Variants in CHODL observed in about 807,000 individuals in gnomAD.
CHODL encodes chondrolectin, also known as transmembrane protein MT75.
CHODL carries 29 observed loss-of-function variants against 34.5 expected under a neutral mutation model. That is an observed-to-expected ratio of 0.84 (90% CI 0.63 to 1.15). The LOEUF is 1.15. CHODL is among the 50% of genes most tolerant of loss of function. The probability of loss-of-function intolerance (pLI) is 0.00; values close to 1 mark genes in which losing one functional copy is unlikely to be tolerated. For missense variants in CHODL, 332 were observed against 332.5 expected (o/e 1.00, Z 0.01); for synonymous variants, 125 against 116.1 (o/e 1.08, Z -0.49).
chr21:18,209,528 AG>A (rs926048006), intron 2 of CHODL, among the ~76,000 whole-genome samples: 2 of 152,116 alleles, frequency 1.3e-5, no homozygotes, highest in Non-Finnish European at 1.5e-5. Flanking sequence ...CACGTGGCTG[AG>A]CTTGTACCTA....
chr21:18,005,544 G>A (rs889473066), intron 1 of CHODL, among the ~76,000 whole-genome samples: 2 of 152,196 alleles, frequency 1.3e-5, no homozygotes, highest in Non-Finnish European at 2.9e-5. Flanking sequence ...AAAGGTTTGT[G>A]TTAAAGTTAT....
intron 2 of CHODL, among the ~76,000 whole-genome samples, chr21:18,074,256 A>T (rs1038378801): frequency 2.6e-5 from 4 of 152,200 alleles, no homozygotes. Flanking sequence ...TGTCTGTTAG[A>T]ACAATGAGAA....
chr21:18,257,222 T>A (rs1444865178), intron 3 of CHODL, 95 bp downstream of exon 3: 2 of 1,164,212 alleles, frequency 1.7e-6, no homozygotes, highest in Middle Eastern at 2.6e-4. Context: ...CTCTTTTTGT[T>A]TTTCTGCTGT....
intron 4 of CHODL, among the ~76,000 whole-genome samples, chr21:18,262,362 G>A (rs569912977): frequency 2.0e-4 from 31 of 152,216 alleles, no homozygotes; most frequent in Non-Finnish European, 4.1e-4. Flanking sequence ...AGGTCATATA[G>A]CTTACTACAC....
At chr21:18,197,060 TA>T (rs1372604355) in intron 2 of CHODL, among the ~76,000 whole-genome samples, 1 of 152,194 alleles carries the variant, frequency 6.6e-6, no homozygotes, top group Non-Finnish European at 1.5e-5. Context: ...ATCATAGTAA[TA>T]ATTTCACAAT....
At chr21:18,124,724 T>A (rs1435382033) in intron 2 of CHODL, among the ~76,000 whole-genome samples, 2 of 152,210 alleles carry the variant, frequency 1.3e-5, no homozygotes, top group African/African-American at 2.4e-5. Context: ...TTAGGACGTT[T>A]GAACTGGTAG....
At chr21:18,083,433 T>C (rs2064966179) in intron 2 of CHODL, among the ~76,000 whole-genome samples, 3 of 152,290 alleles carry the variant, frequency 2.0e-5, no homozygotes, top group Non-Finnish European at 4.4e-5. Flanking sequence ...GCACACTGCC[T>C]AGTGGAGCTG....
At chr21:17,994,863 C>T (rs561515326) in intron 1 of CHODL, among the ~76,000 whole-genome samples, 8 of 152,224 alleles carry the variant, frequency 5.3e-5, no homozygotes, top group East Asian at 1.9e-4. Context: ...TGTAGGTATG[C>T]GAGGACCCTG....
At chr21:17,918,181 T>A (rs1381785813) in intron 1 of CHODL, among the ~76,000 whole-genome samples, 1 of 152,004 alleles carries the variant, frequency 6.6e-6, no homozygotes, top group African/African-American at 2.4e-5. Context: ...TCAAGTTTGA[T>A]GAGGGGTTGA....
chr21:18,245,099 G>C lies in CHODL; in HGVS notation c.-125G>C. 1.3e-6 allele frequency: 1 copy of C among 786,268 alleles called. No homozygotes were observed. The allele number at this position is 786,268 out of a possible 1,614,324, so 48.7% of individuals were successfully genotyped here. A position where few individuals can be genotyped will look rare whatever the true frequency, so the allele number is the denominator to read the frequency against. On this transcript the variant is annotated 5_prime_UTR_variant, in exon 1 of 6. Coordinates refer to ENST00000299295, the MANE Select transcript of CHODL (RefSeq NM_024944.3). ...TGCGCGCAGGGGGTCGGGCAGCTGGGCTCGGGCGGCGGGAGTAGGGCCCGG... is the reference window on the plus strand; with the variant it reads ...TGCGCGCAGGGGGTCGGGCAGCTGGCCTCGGGCGGCGGGAGTAGGGCCCGG...
chr21:18,249,096 T>C (rs1473413808), intron 1 of CHODL, among the ~76,000 whole-genome samples: 1 of 127,916 alleles, frequency 7.8e-6, no homozygotes, highest in Non-Finnish European at 1.6e-5. Context: ...ATAAAATATA[T>C]ATATATAATA....
At chr21:17,934,778 A>G (rs1447659127) in intron 1 of CHODL, among the ~76,000 whole-genome samples, 4 of 152,176 alleles carry the variant, frequency 2.6e-5, no homozygotes, top group Admixed American at 2.6e-4. Context: ...AGACAAATTT[A>G]TGTGCATATG....
intron 2 of CHODL, among the ~76,000 whole-genome samples, chr21:18,186,072 C>T (rs1391314273): frequency 6.6e-6 from 1 of 152,124 alleles, no homozygotes; most frequent in Non-Finnish European, 1.5e-5. Context: ...TGGCTTTAGG[C>T]ATGTTTGTAA....
In CHODL at chr21:17,944,702, A is replaced by G. The variant is rs144905101; in HGVS notation, c.-145+27302A>G. Among the ~76,000 whole-genome samples, 714 of 152,294 alleles carry G rather than the reference A, an allele frequency of 4.7e-3. 7 individuals carry two copies. Among genetic ancestry groups the G allele is most frequent in the South Asian group, 0.027 (132 of 4,826 alleles). On this transcript the variant is annotated intron_variant, in intron 1 of 6. Transcript: ENST00000400127. The stretch of plus-strand genomic sequence containing the variant: ...AGTAGCTCCACTTGATATCAAAGCA[A>G]TGGCAGTGGCCCAGCCAGCTAGAGA...
chr21:18,229,000 G>C (rs2073955567), intron 2 of CHODL, among the ~76,000 whole-genome samples: 1 of 152,110 alleles, frequency 6.6e-6, no homozygotes, highest in Admixed American at 6.6e-5. Context: ...ATGTCTGGGA[G>C]AATTTCTAGG....
chr21:17,970,952 C>T (rs1299502298), intron 1 of CHODL, among the ~76,000 whole-genome samples: 1 of 151,880 alleles, frequency 6.6e-6, no homozygotes, highest in African/African-American at 2.4e-5. Flanking sequence ...TTTCATTGTT[C>T]AATTCCCACT....
Position 18,020,729 on chromosome 21 carries a change from G to A in CHODL, c.-144-7143G>A, listed in dbSNP as rs376758133. On this transcript the variant is annotated intron_variant, in intron 1 of 6. Transcript: ENST00000400127. ...GAGGTCCTAACCCCTAGCTATATTT[G>A]GAGATGGGGCCTCTAAGGAAATAAT... 3.3e-5 allele frequency among the ~76,000 whole-genome samples: 5 copies of A among 152,118 alleles called. No individual in the cohort carries two copies. In the East Asian group the frequency reaches 7.7e-4, roughly 23 times the overall value.
intron 2 of CHODL, among the ~76,000 whole-genome samples, chr21:18,133,332 A>G (rs760593906): frequency 7.9e-5 from 12 of 152,144 alleles, no homozygotes; most frequent in Non-Finnish European, 1.6e-4. Context: ...AAGTGGTCCA[A>G]TTCTCTGTTT....
intron 2 of CHODL, among the ~76,000 whole-genome samples, chr21:18,028,226 TCCC>T (rs1394407669): frequency 4.9e-5 from 2 of 40,600 alleles, no homozygotes; most frequent in African/African-American, 1.5e-4. Context: ...TCCCCTCCCC[TCCC>T]CTCCCCTTCC....
Sources: gnomAD v4.1 joint callset for allele counts (sites outside exome capture counted in the v4.1 genomes callset) on GRCh38, gnomAD v4.1.1 for gene constraint, MANE v1.5 for transcripts, NCBI Gene and HGNC (gene_info 2026-07-23, HGNC 2026-07-21) for gene names.